Variants in POLR1C observed in about 807,000 individuals in gnomAD.
POLR1C encodes the protein RNA polymerase I and III subunit C.
Under a neutral mutation model 38.3 loss-of-function variants are expected in POLR1C, and 42 were observed. The ratio of observed to expected loss-of-function variants is 1.10; its 90% CI spans 0.86 to 1.42. The LOEUF is 1.42. Ranked by LOEUF, POLR1C falls within the 40% of genes most tolerant of loss-of-function variation. The pLI is 0.00. For synonymous variants in POLR1C, 163 were observed against 163.9 expected (o/e 0.99, Z 0.04); for missense variants, 507 against 450.5 (o/e 1.13, Z -1.14).
intron 6 of POLR1C, 58 bp downstream of exon 6, chr6:43,520,485 C>G: frequency 6.2e-7 from 1 of 1,607,616 alleles, no homozygotes; most frequent in Non-Finnish European, 8.5e-7. Flanking sequence ...GTGGGGCAAG[C>G]TGACTAGGGA....
chr6:43,521,076 G>A (rs763542809), intron 8 of POLR1C, 28 bp downstream of exon 8: 6 of 1,598,890 alleles, frequency 3.8e-6, no homozygotes, highest in Admixed American at 1.7e-5. Flanking sequence ...AGATGAGTGG[G>A]CAGTGCTCTT....
At chr6:43,539,314 G>C in intron 9 of POLR1C, 2 of 1,565,446 alleles carry the variant, frequency 1.3e-6, no homozygotes, top group South Asian at 1.1e-5. Context: ...TGTAGTCCCC[G>C]ATAGCAACAA....
In POLR1C at chr6:43,553,385, T is replaced by C. The variant is rs777464096; in HGVS notation, c.*48+2374T>C. 64 of 1,608,554 alleles carry C rather than the reference T, an allele frequency of 4.0e-5. No homozygotes were observed. Among genetic ancestry groups the C allele is most frequent in the Non-Finnish European group, 5.3e-5 (62 of 1,177,448 alleles). On this transcript the variant is annotated intron_variant, in intron 10 of 10. Transcript: ENST00000607635. ...AATAATTACTTACTTCTCTATTTAGTGTTCGAAACATCTGGGTGATAACAC... is the reference window on the plus strand; with the variant it reads ...AATAATTACTTACTTCTCTATTTAGCGTTCGAAACATCTGGGTGATAACAC...
chr6:43,533,076 A>G (rs1288376719), downstream of POLR1C, among the ~76,000 whole-genome samples: 1 of 152,188 alleles, frequency 6.6e-6, no homozygotes, highest in Non-Finnish European at 1.5e-5. Flanking sequence ...CAGAGGTTGC[A>G]GTGAGCTGAG....
intron 10 of POLR1C, chr6:43,558,830 G>A: frequency 2.6e-6 from 1 of 391,882 alleles, no homozygotes; most frequent in Non-Finnish European, 4.5e-6. Context: ...AGTTCCTCAG[G>A]GAGAATTAAA....
chr6:43,558,226 T>C (rs918920605), intron 10 of POLR1C, among the ~76,000 whole-genome samples: 2 of 152,130 alleles, frequency 1.3e-5, no homozygotes, highest in African/African-American at 4.8e-5. Flanking sequence ...TATTTAATCC[T>C]AAGTATGAAA....
At position 43,519,697 on chromosome 6, in the gene POLR1C, C is replaced by T. The variant is rs1288522943; in HGVS notation, c.250-9C>T. 1 of 1,613,960 alleles carries T rather than the reference C, an allele frequency of 6.2e-7. No homozygotes were observed. The highest frequency in any genetic ancestry group is 8.5e-7 in the Non-Finnish European group (1 of 1,180,022). On this transcript the variant is annotated splice_polypyrimidine_tract_variant and intron_variant, in intron 3 of 8. Coordinates refer to ENST00000642195, the MANE Select transcript of POLR1C (RefSeq NM_203290.4). ...TTTTGCAGATAAGTGGTTATTTTTCCTTGGGCAGGTGCCAACTATGGCTGT... is the reference window on the plus strand; with the variant it reads ...TTTTGCAGATAAGTGGTTATTTTTCTTTGGGCAGGTGCCAACTATGGCTGT...
rs1793062571 is a variant in POLR1C, at chr6:43,520,099, A to G, written c.416A>G (p.Gln139Arg). ...GAAGGCACAGAGATAGATACTCTAC[A>G]GTTTCGTCTCCAGGTCAGATGCACT... ...DEEGTEIDTL[Q>R]FRLQVRCTRN... Residue 139 changes from glutamine to arginine, a missense_variant, in exon 5 of 9, where the codon CAG becomes CGG. By Grantham distance (43) the Gln-to-Arg change is conservative. Transcript: ENST00000642195. 1.2e-6 allele frequency: 2 copies of G among 1,614,102 alleles called. No homozygotes were observed. The highest frequency in any genetic ancestry group is 1.3e-5 in the African/African-American group (1 of 74,930).
chr6:43,526,012 C>T (rs1793564606), downstream of POLR1C: 8 of 1,450,748 alleles, frequency 5.5e-6, no homozygotes, highest in South Asian at 8.6e-5. Context: ...CAAAGCAAAG[C>T]TGAGTGTTCT....
At chr6:43,531,497 G>C (rs1258974878), downstream of POLR1C, 1 of 1,613,750 alleles carries the variant, frequency 6.2e-7, no homozygotes, top group Non-Finnish European at 8.5e-7. Context: ...ATAGAGGGTA[G>C]AGAAGAAACG....
chr6:43,549,429 C>A (rs1795122798), intron 9 of POLR1C: 1 of 1,499,832 alleles, frequency 6.7e-7, no homozygotes, highest in Middle Eastern at 2.2e-4. Context: ...ACACTGAAAG[C>A]TGGATTTACA....
chr6:43,535,233 C>G (rs903338282), intron 9 of POLR1C, among the ~76,000 whole-genome samples: 5 of 151,598 alleles, frequency 3.3e-5, no homozygotes, highest in Non-Finnish European at 4.4e-5. Context: ...GCACTCCAGC[C>G]TGGGCAACAG....
chr6:43,537,911 AC>A (rs1794439139), intron 9 of POLR1C, among the ~76,000 whole-genome samples: 2 of 151,948 alleles, frequency 1.3e-5, no homozygotes, highest in Non-Finnish European at 2.9e-5. Flanking sequence ...TACTAAAAAT[AC>A]AAAAAATTAG....
rs1436024741 is a variant in POLR1C, at chr6:43,520,143, A to T, written c.460A>T (p.Lys154Ter). ...ATGCACTCGGAACCCCCATGCTGCT[A>T]AAGATTCCTCTGACCCCAACGAACT... ...VRCTRNPHAA[K>*]DSSDPNELYV... Residue 154 changes from lysine to a stop codon, truncating the protein, a stop_gained, in exon 5 of 9, where the codon AAA becomes TAA. Coordinates refer to ENST00000642195, the MANE Select transcript of POLR1C (RefSeq NM_203290.4). LOFTEE classifies it high-confidence loss of function. The T allele has an allele frequency of 1.2e-6, 2 of 1,614,204 alleles. No homozygotes were observed. Among genetic ancestry groups the T allele is most frequent in the South Asian group, 2.2e-5 (2 of 91,086 alleles).
chr6:43,536,758 T>TAAAAAAAAA lies in POLR1C; in HGVS notation c.*4+7423_*4+7431dup, dbSNP rs1156884252. On this transcript the variant is annotated intron_variant, in intron 9 of 10. Coordinates refer to the POLR1C transcript ENST00000607635. ...CTGGACGACAGAGTGAGACTCTATCTAAAAAAAAAAAAAAAAAAAAAAAAA... is the reference window on the plus strand; with the variant it reads ...CTGGACGACAGAGTGAGACTCTATCTAAAAAAAAAAAAAAAAAAAAAAAAAAAAAAAAAA... Among the ~76,000 whole-genome samples, 56 of 19,104 alleles carry TAAAAAAAAA rather than the reference T, an allele frequency of 2.9e-3. 3 individuals carry two copies. Among genetic ancestry groups the TAAAAAAAAA allele is most frequent in the African/African-American group, 9.3e-3 (38 of 4,098 alleles). 12.5% of individuals were successfully genotyped at this position (19,104 alleles called of 152,430 possible). A position where few individuals can be genotyped will look rare whatever the true frequency, so the allele number is the denominator to read the frequency against.
chr6:43,557,782 G>A (rs1762175748), intron 10 of POLR1C, among the ~76,000 whole-genome samples: 2 of 58,374 alleles, frequency 3.4e-5, no homozygotes, highest in South Asian at 1.5e-3. Flanking sequence ...CAATAAAGCT[G>A]TAAAAAAAAA....
chr6:43,530,422 CAAAAAA>C (rs780873253), downstream of POLR1C, among the ~76,000 whole-genome samples: 1 of 130,242 alleles, frequency 7.7e-6, no homozygotes, highest in Admixed American at 7.9e-5. Context: ...AAGACTGTCT[CAAAAAA>C]AAAAAAAAGT....
At chr6:43,523,295 G>C (rs1183223774), downstream of POLR1C, 3 of 231,724 alleles carry the variant, frequency 1.3e-5, no homozygotes, top group Middle Eastern at 3.4e-3. Context: ...CAGGTGACCA[G>C]ATTCTTGCCC....
chr6:43,541,719 T>G (rs1794700513), intron 9 of POLR1C, among the ~76,000 whole-genome samples: 1 of 152,250 alleles, frequency 6.6e-6, no homozygotes, highest in Non-Finnish European at 1.5e-5. Flanking sequence ...TTTTGAAGGT[T>G]GATCCACAGT....
Sources: gnomAD v4.1 joint callset for allele counts (sites outside exome capture counted in the v4.1 genomes callset) on GRCh38, gnomAD v4.1.1 for gene constraint, MANE v1.5 for transcripts, NCBI Gene and HGNC (gene_info 2026-07-23, HGNC 2026-07-21) for gene names.